Variants in CCDC22 observed in about 807,000 individuals in gnomAD.
CCDC22 encodes coiled-coil domain-containing protein 22.
A neutral mutation model predicts 53.1 loss-of-function variants in CCDC22; 4 were observed. The ratio of observed to expected loss-of-function variants is 0.08; its 90% CI spans 0.04 to 0.17. CCDC22 has a LOEUF of 0.17. Ranked by LOEUF, CCDC22 falls within the 10% of genes least tolerant of loss-of-function variation. The pLI is 1.00. For synonymous variants in CCDC22, 222 were observed against 224.4 expected (o/e 0.99, Z 0.10); for missense variants, 458 against 554.0 (o/e 0.83, Z 1.74).
intron 1 of CCDC22, among the ~76,000 whole-genome samples, chrX:49,236,461 G>A (rs781940008): frequency 1.8e-5 from 2 of 110,588 alleles, no homozygotes; most frequent in East Asian, 2.8e-4. Context: ...GCCCGCCTCC[G>A]CCTCCCAAAG....
chrX:49,236,350 G>C (rs782288393), intron 1 of CCDC22, among the ~76,000 whole-genome samples: 1 of 109,594 alleles, frequency 9.1e-6, no homozygotes, highest in East Asian at 2.9e-4. Flanking sequence ...TGGTATTACA[G>C]CCGTGCGCCA....
intron 9 of CCDC22, 73 bp downstream of exon 9, chrX:49,247,841 G>A: frequency 2.6e-6 from 3 of 1,135,054 alleles, no homozygotes; most frequent in African/African-American, 1.8e-5. Context: ...GGACTAGATG[G>A]GGCAAGAGGT....
At chrX:49,241,788 G>A (rs2065965009) in intron 2 of CCDC22, among the ~76,000 whole-genome samples, 1 of 111,208 alleles carries the variant, frequency 9.0e-6, no homozygotes, top group South Asian at 3.8e-4. Flanking sequence ...TATGGCCTCT[G>A]GATTTTGAGT....
chrX:49,247,395 T>C, intron 7 of CCDC22, 101 bp from the exon 8 acceptor site: 1 of 765,692 alleles, frequency 1.3e-6, no homozygotes, highest in Non-Finnish European at 1.9e-6. Context: ...TCAGTGGGCA[T>C]GCATGCCGCA....
In CCDC22 at chrX:49,243,326, C is replaced by T. The variant is rs1557113701; in HGVS notation, c.578C>T (p.Pro193Leu). Reference protein sequence around the residue: ...FQASPLLLPVPTQVPQPVGRV... With the variant: ...FQASPLLLPVLTQVPQPVGRV... ...GCGAGTCCCCTGCTGCTTCCAGTCCCTACCCAGGTGCCTCAGCCTGTTGGA... is the reference window on the plus strand; with the variant it reads ...GCGAGTCCCCTGCTGCTTCCAGTCCTTACCCAGGTGCCTCAGCCTGTTGGA... The change falls in exon 6 of 17, where the codon CCT becomes CTT. Residue 193 changes from proline (P) to leucine (L), a missense_variant. Pro to Leu is a moderately conservative substitution (Grantham distance 98). This residue lies in a region of CCDC22 where 309 missense variants were observed against 312.3 expected (regional missense o/e 0.99). Transcript: ENST00000376227. 8.3e-7 allele frequency: 1 copy of T among 1,204,778 alleles called. No individual in the cohort carries two copies. Among genetic ancestry groups the T allele is most frequent in the Non-Finnish European group, 1.1e-6 (1 of 891,790 alleles).
In CCDC22 at chrX:49,242,985, A is replaced by G; in HGVS notation, c.461A>G (p.His154Arg). 8.7e-7 allele frequency: 1 copy of G among 1,146,427 alleles called. No homozygotes were observed. The highest frequency in any genetic ancestry group is 2.4e-4 in the Middle Eastern group (1 of 4,133). 94.5% of individuals were successfully genotyped at this position (1,146,427 alleles called of 1,213,427 possible). A position where few individuals can be genotyped will look rare whatever the true frequency, so the allele number is the denominator to read the frequency against. The change falls in exon 4 of 17, where the codon CAC becomes CGC. Residue 154 changes from histidine (H) to arginine (R), a missense_variant. Transcript: ENST00000376227. ...CACCTTCGCACTCCCAAGCTGCAGC[A>G]CCTCCAGGTGAGACCCCTGACTCCC... is the stretch of plus-strand genomic sequence containing the variant. ...PPHLRTPKLQ[H>R]LQGSALQKPF...
chrX:49,246,851 T>G lies in CCDC22; in HGVS notation c.835T>G (p.Trp279Gly). The G allele has an allele frequency of 8.3e-7, 1 of 1,201,274 alleles. No homozygotes were observed. The highest frequency in any genetic ancestry group is 1.8e-5 in the South Asian group (1 of 55,116). The part of the protein sequence containing the change: ...ARDLGELLQA[W>G]GAGAKTGAPK... Reference sequence around the variant, plus strand: ...GGACCTGGGAGAACTGCTGCAGGCCTGGGGTGCTGGGGCCAAGACTGGTGC... The same window carrying G: ...GGACCTGGGAGAACTGCTGCAGGCCGGGGGTGCTGGGGCCAAGACTGGTGC... The change falls in exon 7 of 17, where the codon TGG becomes GGG. Residue 279 changes from tryptophan to glycine, a missense_variant. This residue lies in a region of CCDC22 where 309 missense variants were observed against 312.3 expected (regional missense o/e 0.99). Transcript: ENST00000376227.
At chrX:49,244,712 G>A (rs1203756535) in intron 6 of CCDC22, among the ~76,000 whole-genome samples, 4 of 111,101 alleles carry the variant, frequency 3.6e-5, no homozygotes, top group Admixed American at 9.5e-5. Flanking sequence ...AGGTGCGTGC[G>A]CCCGGCTAAT....
chrX:49,247,806 CAGA>C (rs781918002), intron 9 of CCDC22, 38 bp downstream of exon 9: 1 of 1,205,211 alleles, frequency 8.3e-7, no homozygotes, highest in Admixed American at 2.2e-5. Flanking sequence ...TGGGCTAGGT[CAGA>C]AGGAGGGCCT....
At chrX:49,240,253 C>CAAAA (rs59389390) in intron 2 of CCDC22, among the ~76,000 whole-genome samples, 4 of 54,704 alleles carry the variant, frequency 7.3e-5, no homozygotes, top group Non-Finnish European at 9.4e-5. Flanking sequence ...ACCCCATCTC[C>CAAAA]AAAAAAAAAA....
intron 2 of CCDC22, among the ~76,000 whole-genome samples, chrX:49,238,278 A>G (rs1397316420): frequency 9.1e-6 from 1 of 109,887 alleles, no homozygotes; most frequent in Admixed American, 9.7e-5. Flanking sequence ...ACGGGGTTTC[A>G]CTATGTTGGC....
intron 2 of CCDC22, among the ~76,000 whole-genome samples, chrX:49,238,848 C>T (rs901813851): frequency 1.8e-5 from 2 of 112,354 alleles, no homozygotes; most frequent in Non-Finnish European, 3.8e-5. Flanking sequence ...GGACTACAGG[C>T]GTGCACCACT....
chrX:49,235,681 C>G lies in CCDC22; in HGVS notation c.45C>G (p.Ala15=). Residue 15 remains alanine, a synonymous_variant, in exon 1 of 17, where the codon GCC becomes GCG. Transcript: ENST00000376227. ...TCCTCATCCATTCGCTGCGCCAGGC[C>G]GGCACGTAAGGACAGAGCCCCCGCC... ...DRILIHSLRQ[A]GTAVPPDVQT... is the part of the protein sequence containing the mutation. The G allele has an allele frequency of 8.4e-7, 1 of 1,186,155 alleles. No homozygotes were observed. The highest frequency in any genetic ancestry group is 1.9e-5 in the South Asian group (1 of 53,855).
intron 1 of CCDC22, among the ~76,000 whole-genome samples, chrX:49,236,121 C>T (rs1557112685): frequency 9.2e-6 from 1 of 109,274 alleles, no homozygotes; most frequent in Non-Finnish European, 1.9e-5. Flanking sequence ...CTCGGGGACT[C>T]CAAAAAATCC....
chrX:49,249,377 C>T, intron 14 of CCDC22, 115 bp downstream of exon 14: 2 of 878,745 alleles, frequency 2.3e-6, no homozygotes, highest in Non-Finnish European at 1.7e-6. Flanking sequence ...TGGAGGTGCA[C>T]TGATACCCAG....
chrX:49,248,763 C>T, intron 12 of CCDC22, 29 bp downstream of exon 12: 2 of 1,206,655 alleles, frequency 1.7e-6, no homozygotes, highest in Non-Finnish European at 2.2e-6. Flanking sequence ...ACCTGGGTAG[C>T]TTAGGAGGGT....
intron 2 of CCDC22, among the ~76,000 whole-genome samples, chrX:49,237,989 A>T (rs2065945937): frequency 2.8e-5 from 3 of 107,639 alleles, no homozygotes; most frequent in Admixed American, 1.0e-4. Flanking sequence ...TAATCTCTTG[A>T]CCTCATGATC....
chrX:49,241,400 T>C (rs1472005229), intron 2 of CCDC22, among the ~76,000 whole-genome samples: 1 of 104,460 alleles, frequency 9.6e-6, no homozygotes, highest in Non-Finnish European at 1.9e-5. Flanking sequence ...CGTGGGAGGA[T>C]CACTTGAGCC....
chrX:49,248,932 G>A lies in CCDC22; in HGVS notation c.1539+8G>A. 8.3e-7 allele frequency: 1 copy of A among 1,206,939 alleles called. No individual in the cohort carries two copies. The highest frequency in any genetic ancestry group is 3.0e-5 in the East Asian group (1 of 33,765). On this transcript the variant is annotated splice_region_variant and intron_variant, in intron 13 of 16. Coordinates refer to ENST00000376227, the MANE Select transcript of CCDC22 (RefSeq NM_014008.5). Reference sequence around the variant, plus strand: ...AAGGAAGAGATCACCAAGGTACACTGCCAGGGCCATGGAGGGTGGGTCATG... The same window carrying A: ...AAGGAAGAGATCACCAAGGTACACTACCAGGGCCATGGAGGGTGGGTCATG...
Sources: allele counts gnomAD v4.1 joint callset (sites outside exome capture counted in the v4.1 genomes callset), GRCh38; gene constraint gnomAD v4.1.1; regional missense constraint gnomAD v4.1.1; transcripts MANE v1.5; gene names NCBI Gene and HGNC (gene_info 2026-07-23, HGNC 2026-07-21).